Variants in AGAP1 observed in about 807,000 individuals in gnomAD.
AGAP1 encodes arf-GAP with GTPase, ANK repeat and PH domain-containing protein 1.
Under a neutral mutation model 105.3 loss-of-function variants are expected in AGAP1, and 29 were observed. The ratio of observed to expected loss-of-function variants is 0.28; its 90% CI spans 0.21 to 0.38. AGAP1 has a LOEUF of 0.38. AGAP1 is among the 10% of genes least tolerant of loss of function. AGAP1 has a pLI of 1.00. For synonymous variants in AGAP1, 509 were observed against 485.9 expected, an observed-to-expected ratio of 1.05 and a Z score of -0.63; for missense variants, 998 against 1,165.1, an observed-to-expected ratio of 0.86 and a Z score of 2.09.
In AGAP1 at chr2:235,746,377, C is replaced by CCTTTTT. The variant is rs1295250993; in HGVS notation, c.538+1538_538+1539insCTTTTT. ...GCTTCCTGGAGAGCACCTCCCCCAA[C>CCTTTTT]TTTTTTTTTTTTTTTTTTTTTTTTT... On this transcript the variant is annotated intron_variant, in intron 5 of 17. Coordinates refer to ENST00000304032, the MANE Select transcript of AGAP1 (RefSeq NM_001037131.3). Among the ~76,000 whole-genome samples the CCTTTTT allele has an allele frequency of 1.1e-3, 60 of 55,562 alleles. 2 individuals carry two copies. The highest frequency in any genetic ancestry group is 4.6e-3 in the African/African-American group (58 of 12,474). 36.5% of individuals were successfully genotyped at this position (55,562 alleles called of 152,430 possible). A position where few individuals can be genotyped will look rare whatever the true frequency, so the allele number is the denominator to read the frequency against.
At position 235,747,676 on chromosome 2, in the gene AGAP1, G is replaced by A. The variant is rs1203874938; in HGVS notation, c.539-2678G>A. On this transcript the variant is annotated intron_variant, in intron 5 of 17. Transcript: ENST00000304032. This position sits in a 1 kb window ranked among gnomAD's most constrained non-coding sequence, Gnocchi z 5.0. Reference sequence around the variant, plus strand: ...AGCTGGCATGCACGTGGGCTCTGAGGGTCCCTGCCGCGACGCTTGCTTCCT... The same window carrying A: ...AGCTGGCATGCACGTGGGCTCTGAGAGTCCCTGCCGCGACGCTTGCTTCCT... Among the ~76,000 whole-genome samples the A allele has an allele frequency of 6.6e-6, 1 of 152,222 alleles. No homozygotes were observed.
chr2:235,915,961 G>A (rs6431408), intron 11 of AGAP1, among the ~76,000 whole-genome samples: 1 of 152,010 alleles, frequency 6.6e-6, no homozygotes, highest in East Asian at 1.9e-4. Flanking sequence ...AAATCTGACT[G>A]TAGACTTCTC....
intron 1 of AGAP1, among the ~76,000 whole-genome samples, chr2:235,497,532 C>G (rs1050003069): frequency 6.6e-6 from 1 of 152,252 alleles, no homozygotes; most frequent in Non-Finnish European, 1.5e-5. Flanking sequence ...TTTCCCCTTC[C>G]TCTGTATGTG....
chr2:236,033,693 C>G (rs146166106), intron 13 of AGAP1, among the ~76,000 whole-genome samples: 1 of 152,354 alleles, frequency 6.6e-6, no homozygotes, highest in African/African-American at 2.4e-5. Flanking sequence ...CAGCCCAGTG[C>G]CTAGCACGTT....
At chr2:235,558,923 A>G (rs1007701203) in intron 1 of AGAP1, among the ~76,000 whole-genome samples, 2 of 152,038 alleles carry the variant, frequency 1.3e-5, no homozygotes, top group Non-Finnish European at 2.9e-5. Flanking sequence ...ATTACACGTC[A>G]TTGAAGATTT....
Position 235,936,847 on chromosome 2 carries a change from T to A in AGAP1, c.1483+5924T>A, listed in dbSNP as rs2053015452. On this transcript the variant is annotated intron_variant, in intron 12 of 17. Transcript: ENST00000304032. This position sits in a 1 kb window ranked among gnomAD's most constrained non-coding sequence, Gnocchi z 4.7. Reference sequence around the variant, plus strand: ...TCTGATAACTGAGCTTCCAAAAGGCTGAGAAACCAAGACCATACTTATCAT... The same window carrying A: ...TCTGATAACTGAGCTTCCAAAAGGCAGAGAAACCAAGACCATACTTATCAT... Among the ~76,000 whole-genome samples, 1 of 152,110 alleles carries A rather than the reference T, an allele frequency of 6.6e-6. No homozygotes were observed. Among genetic ancestry groups the A allele is most frequent in the Non-Finnish European group, 1.5e-5 (1 of 68,016 alleles).
intron 3 of AGAP1, among the ~76,000 whole-genome samples, chr2:235,731,563 A>G (rs1285276838): frequency 6.6e-6 from 1 of 152,192 alleles, no homozygotes; most frequent in African/African-American, 2.4e-5. Context: ...GGCATCTCTC[A>G]TGTTCTGGTT....
intron 6 of AGAP1, among the ~76,000 whole-genome samples, chr2:235,772,805 G>T (rs1955562165): frequency 6.6e-6 from 1 of 152,220 alleles, no homozygotes. Flanking sequence ...CGCCCTCGGA[G>T]CCTGGGATGC....
At chr2:235,603,309 T>A (rs1945800424) in intron 1 of AGAP1, among the ~76,000 whole-genome samples, 1 of 152,214 alleles carries the variant, frequency 6.6e-6, no homozygotes, top group Admixed American at 6.5e-5. Flanking sequence ...TGTGAGTCCA[T>A]TAAACCTCTT....
At position 235,865,440 on chromosome 2, in the gene AGAP1, G is replaced by T. The variant is rs1016559584; in HGVS notation, c.1051-17905G>T. Among the ~76,000 whole-genome samples the T allele has an allele frequency of 6.6e-6, 1 of 152,192 alleles. No individual in the cohort carries two copies. Among genetic ancestry groups the T allele is most frequent in the Non-Finnish European group, 1.5e-5 (1 of 68,036 alleles). On this transcript the variant is annotated intron_variant, in intron 9 of 17. Coordinates refer to ENST00000304032, the MANE Select transcript of AGAP1 (RefSeq NM_001037131.3). The surrounding 1 kb of genome is among the most constrained non-coding windows in gnomAD (Gnocchi z 6.2). ...GCCGTGCGCAATCGGGGCTTTATAC[G>T]ATTGCTGGAGATGCTGACAGCTCAA...
chr2:235,917,115 A>C (rs2051925048), intron 11 of AGAP1, among the ~76,000 whole-genome samples: 1 of 152,124 alleles, frequency 6.6e-6, no homozygotes, highest in Non-Finnish European at 1.5e-5. Flanking sequence ...TCCTAACCAG[A>C]TTGATGCTTA....
At position 235,596,347 on chromosome 2, in the gene AGAP1, G is replaced by T. The variant is rs552623230; in HGVS notation, c.163+101498G>T. On this transcript the variant is annotated intron_variant, in intron 1 of 17. Transcript: ENST00000304032. The surrounding 1 kb of genome is among the most constrained non-coding windows in gnomAD (Gnocchi z 5.9). ...TGAGGAAATAGAGTCTCAGACTGGA[G>T]CCCCAAGGACCTTGAGGACAGGAGT... 6.6e-6 allele frequency among the ~76,000 whole-genome samples: 1 copy of T among 152,378 alleles called. No individual in the cohort carries two copies. The highest frequency in any genetic ancestry group is 2.1e-4 in the South Asian group (1 of 4,818).
In AGAP1 at chr2:236,082,674, G is replaced by C. The variant is rs2125839884; in HGVS notation, c.2114+33393G>C. 6.6e-6 allele frequency among the ~76,000 whole-genome samples: 1 copy of C among 152,324 alleles called. No individual in the cohort carries two copies. The highest frequency in any genetic ancestry group is 2.1e-4 in the South Asian group (1 of 4,830). On this transcript the variant is annotated intron_variant, in intron 16 of 17. Transcript: ENST00000304032. The surrounding 1 kb of genome is among the most constrained non-coding windows in gnomAD (Gnocchi z 4.2). ...GGATCACCTGAGGCCAGGAGTTTGA[G>C]ACCAGCCTGGCCAACATGGCGAAAC...
intron 12 of AGAP1, among the ~76,000 whole-genome samples, chr2:235,933,316 C>T (rs545973315): frequency 8.1e-4 from 123 of 152,108 alleles, no homozygotes; most frequent in African/African-American, 2.2e-3. Flanking sequence ...AGCCACGAGC[C>T]GCAGTGAAGT....
intron 5 of AGAP1, among the ~76,000 whole-genome samples, chr2:235,745,159 CATAT>C (rs1022450681): frequency 1.1e-4 from 16 of 152,028 alleles, no homozygotes; most frequent in Middle Eastern, 3.4e-3. Flanking sequence ...TAGTCAAATA[CATAT>C]ATATATTTTC....
In AGAP1 at chr2:235,930,106, A is replaced by G. The variant is rs1284151642; in HGVS notation, c.1325-659A>G. Among the ~76,000 whole-genome samples the G allele has an allele frequency of 6.6e-6, 1 of 152,228 alleles. No individual in the cohort carries two copies. Among genetic ancestry groups the G allele is most frequent in the Non-Finnish European group, 1.5e-5 (1 of 68,042 alleles). On this transcript the variant is annotated intron_variant, in intron 11 of 17. Transcript: ENST00000304032. This position sits in a 1 kb window ranked among gnomAD's most constrained non-coding sequence, Gnocchi z 7.9. ...TAATAATTCATTTTGATGTTGAGCA[A>G]CTGATTCAAATCATTAAGTATACAA...
At chr2:235,894,002 A>T (rs1394426844) in intron 10 of AGAP1, among the ~76,000 whole-genome samples, 5 of 152,142 alleles carry the variant, frequency 3.3e-5, no homozygotes, top group Non-Finnish European at 5.9e-5. Flanking sequence ...TCACTGCCTC[A>T]CGTGGCATTA....
rs115089824 is a variant in AGAP1, at chr2:236,071,017, A to G, written c.2114+21736A>G. Among the ~76,000 whole-genome samples, 864 of 152,318 alleles carry G rather than the reference A, an allele frequency of 5.7e-3. 10 individuals are homozygous for G. The highest frequency in any genetic ancestry group is 0.02 in the African/African-American group (830 of 41,580). Reference sequence around the variant, plus strand: ...TTTTAAGTGGTGGGAAAAATCAAAGAGAGCATGTTCTGAGTTTTAAACAAA... The same window carrying G: ...TTTTAAGTGGTGGGAAAAATCAAAGGGAGCATGTTCTGAGTTTTAAACAAA... On this transcript the variant is annotated intron_variant, in intron 16 of 17. Transcript: ENST00000304032.
At chr2:235,656,865 A>G (rs1245170837) in intron 1 of AGAP1, among the ~76,000 whole-genome samples, 4 of 152,244 alleles carry the variant, frequency 2.6e-5, no homozygotes, top group African/African-American at 9.6e-5. Context: ...CTTTAACATA[A>G]CAGAAAGGAA....
Sources: gnomAD v4.1 joint callset for allele counts (sites outside exome capture counted in the v4.1 genomes callset) on GRCh38, gnomAD v4.1.1 for gene constraint, Gnocchi (gnomAD v3.1) non-coding constraint, MANE v1.5 for transcripts, NCBI Gene and HGNC (gene_info 2026-07-23, HGNC 2026-07-21) for gene names.